The following TFDP2 variants were observed in gnomAD, a reference collection of about 807,000 sequenced individuals.
TFDP2 encodes transcription factor Dp-2 (E2F dimerization partner 2).
A neutral mutation model predicts 59.3 loss-of-function variants in TFDP2; 17 were observed. That is an observed-to-expected ratio of 0.29 (90% CI 0.20 to 0.43). TFDP2 has a LOEUF of 0.43. TFDP2 is among the 20% of genes least tolerant of loss of function. The pLI is 1.00. For synonymous variants in TFDP2, 180 were observed against 194.7 expected (o/e 0.92, Z 0.63); for missense variants, 391 against 528.8 (o/e 0.74, Z 2.56).
At chr3:142,094,235 AC>A (rs1209962687) in intron 2 of TFDP2, among the ~76,000 whole-genome samples, 1 of 152,162 alleles carries the variant, frequency 6.6e-6, no homozygotes, top group Non-Finnish European at 1.5e-5. Context: ...TAACCTTGAA[AC>A]ATTACAATTT....
intron 1 of TFDP2, among the ~76,000 whole-genome samples, chr3:142,112,291 T>C (rs771689603): frequency 6.6e-6 from 1 of 152,160 alleles, no homozygotes; most frequent in Non-Finnish European, 1.5e-5. Flanking sequence ...CTATTCACTA[T>C]CTATTTATCT....
At chr3:141,988,483 C>T (rs1428117906) in intron 6 of TFDP2, among the ~76,000 whole-genome samples, 1 of 151,982 alleles carries the variant, frequency 6.6e-6, no homozygotes, top group East Asian at 1.9e-4. Flanking sequence ...TTCTGAGGTT[C>T]TTCCTGATCT....
At chr3:142,136,590 T>C (rs2062747740) in intron 1 of TFDP2, among the ~76,000 whole-genome samples, 1 of 152,106 alleles carries the variant, frequency 6.6e-6, no homozygotes. Flanking sequence ...CTTGAATTAA[T>C]TTTTATATAA....
chr3:141,975,930 G>C (rs1291895758), intron 7 of TFDP2, among the ~76,000 whole-genome samples: 1 of 151,858 alleles, frequency 6.6e-6, no homozygotes, highest in Non-Finnish European at 1.5e-5. Flanking sequence ...GCCCAGGCTG[G>C]AGTGCAGTGG....
chr3:142,119,507 T>A (rs1031864432), intron 1 of TFDP2, among the ~76,000 whole-genome samples: 6 of 152,134 alleles, frequency 3.9e-5, no homozygotes, highest in Non-Finnish European at 2.9e-5. Flanking sequence ...CAAAAAACAG[T>A]TTGACTGCTG....
At chr3:141,975,804 G>A (rs1940553879) in intron 7 of TFDP2, among the ~76,000 whole-genome samples, 1 of 152,014 alleles carries the variant, frequency 6.6e-6, no homozygotes, top group South Asian at 2.1e-4. Flanking sequence ...TTTTGATATT[G>A]GAAGGGATAT....
intron 3 of TFDP2, among the ~76,000 whole-genome samples, chr3:142,046,132 T>C (rs1947338361): frequency 6.6e-6 from 1 of 152,212 alleles, no homozygotes; most frequent in African/African-American, 2.4e-5. Context: ...TGATTTACTA[T>C]GGCGCTGATA....
At chr3:141,960,700 T>A (rs1036214733) in intron 10 of TFDP2, among the ~76,000 whole-genome samples, 2 of 152,084 alleles carry the variant, frequency 1.3e-5, no homozygotes, top group African/African-American at 4.8e-5. Flanking sequence ...AAAATACCAA[T>A]TTAAGTAATC....
chr3:142,086,215 T>A (rs1186697085), intron 3 of TFDP2, among the ~76,000 whole-genome samples: 1 of 152,208 alleles, frequency 6.6e-6, no homozygotes, highest in Non-Finnish European at 1.5e-5. Context: ...CCAACTCTTG[T>A]ACACCATTTA....
chr3:141,979,887 C>A (rs1941271118), intron 6 of TFDP2, among the ~76,000 whole-genome samples: 1 of 151,480 alleles, frequency 6.6e-6, no homozygotes. Flanking sequence ...CTGCGCCTGG[C>A]CCTCTGTCTC....
intron 3 of TFDP2, among the ~76,000 whole-genome samples, chr3:142,022,978 G>A (rs1945736349): frequency 6.6e-6 from 1 of 151,320 alleles, no homozygotes; most frequent in African/African-American, 2.4e-5. Flanking sequence ...AAATTAGCCG[G>A]GCGCAGTGGC....
chr3:142,061,815 G>T (rs2059918738), intron 3 of TFDP2, among the ~76,000 whole-genome samples: 1 of 149,706 alleles, frequency 6.7e-6, no homozygotes, highest in Non-Finnish European at 1.5e-5. Flanking sequence ...CAGACAGCAG[G>T]TCACAGGATT....
At chr3:142,011,590 T>TAAAAAAAAAAAGA (rs1472822352) in intron 3 of TFDP2, among the ~76,000 whole-genome samples, 1 of 63,894 alleles carries the variant, frequency 1.6e-5, no homozygotes, top group African/African-American at 9.1e-5. Context: ...TAAAGTATAA[T>TAAAAAAAAAAAGA]AAAAAAAAAA....
chr3:142,042,993 C>T (rs528160508), intron 3 of TFDP2, among the ~76,000 whole-genome samples: 6 of 151,956 alleles, frequency 3.9e-5, no homozygotes, highest in Admixed American at 3.3e-4. Context: ...CTGCCCGCCT[C>T]GGCCTCCCAA....
At chr3:142,033,974 A>G (rs1447749607) in intron 3 of TFDP2, among the ~76,000 whole-genome samples, 1 of 152,124 alleles carries the variant, frequency 6.6e-6, no homozygotes, top group Non-Finnish European at 1.5e-5. Flanking sequence ...TCAAATGCAG[A>G]GATTGTTCCC....
chr3:141,950,241 A>C lies in TFDP2; in HGVS notation c.*2272T>G, dbSNP rs925070617. On this transcript the variant is annotated 3_prime_UTR_variant, in exon 13 of 13. Coordinates refer to ENST00000489671, the MANE Select transcript of TFDP2 (RefSeq NM_001178139.2). ...TCTGAACAGCTCAACCTAGTTTCTA[A>C]AGGCAAGATTTTACTCCAGCGACAT... is the stretch of plus-strand genomic sequence containing the variant. The C allele has an allele frequency of 2.0e-5, 3 of 152,114 alleles. No individual in the cohort carries two copies. Among genetic ancestry groups the C allele is most frequent in the African/African-American group, 7.2e-5 (3 of 41,412 alleles). The allele number at this position is 152,114 out of a possible 1,614,324, so 9.4% of individuals were successfully genotyped here. A position where few individuals can be genotyped will look rare whatever the true frequency, so the allele number is the denominator to read the frequency against.
At chr3:141,955,974 A>C (rs1192442866) in intron 11 of TFDP2, among the ~76,000 whole-genome samples, 2 of 152,028 alleles carry the variant, frequency 1.3e-5, no homozygotes, top group African/African-American at 4.8e-5. Flanking sequence ...TGCCTGGCTA[A>C]TTTTTGTATT....
At chr3:142,063,451 T>C (rs1017817733) in intron 3 of TFDP2, among the ~76,000 whole-genome samples, 3 of 152,202 alleles carry the variant, frequency 2.0e-5, no homozygotes, top group Non-Finnish European at 4.4e-5. Flanking sequence ...ACAGTTTATT[T>C]AGTAATTGCA....
intron 3 of TFDP2, among the ~76,000 whole-genome samples, chr3:142,022,786 A>G (rs920567934): frequency 6.6e-6 from 1 of 152,196 alleles, no homozygotes; most frequent in Non-Finnish European, 1.5e-5. Context: ...TCTAATATTT[A>G]TAAGAGGTGA....
Sources: allele counts gnomAD v4.1 joint callset (sites outside exome capture counted in the v4.1 genomes callset), GRCh38; gene constraint gnomAD v4.1.1; transcripts MANE v1.5; gene names NCBI Gene and HGNC (gene_info 2026-07-23, HGNC 2026-07-21).